MOB3B: variants seen among roughly 807,000 people sequenced by gnomAD.
MOB3B encodes the protein MOB kinase activator 3B.
In MOB3B, 7 loss-of-function variants were observed where a neutral mutation model predicts 18.7. The observed-to-expected ratio is 0.37, with a 90% CI of 0.21 to 0.70. The LOEUF (loss-of-function observed/expected upper bound fraction) is 0.70. MOB3B is among the 30% of genes least tolerant of loss of function. The pLI is 0.52. For missense variants in MOB3B, 253 were observed against 281.3 expected (o/e 0.90, Z 0.72); for synonymous variants, 111 against 99.9 (o/e 1.11, Z -0.66).
intron 2 of MOB3B, among the ~76,000 whole-genome samples, chr9:27,404,982 T>G (rs1563860464): frequency 6.6e-6 from 1 of 152,188 alleles, no homozygotes; most frequent in East Asian, 1.9e-4. Flanking sequence ...GATATCTCAT[T>G]GCAGTTTTAG....
In MOB3B at chr9:27,517,647, CAAAAAAAAAAAA is replaced by C. The variant is rs756559270; in HGVS notation, c.-199+11896_-199+11907del. Among the ~76,000 whole-genome samples, 37 of 54,282 alleles carry C rather than the reference CAAAAAAAAAAAA, an allele frequency of 6.8e-4. 1 individual carries two copies. The highest frequency in any genetic ancestry group is 2.6e-3 in the African/African-American group (32 of 12,246). The allele number at this position is 54,282 out of a possible 152,430, so 35.6% of individuals were successfully genotyped here. ...TGGCCGACAGAGCGAGACTCTGTCT[CAAAAAAAAAAAA>C]AAAAAAAAAAAAAGAGGTAGAATTA... On this transcript the variant is annotated intron_variant, in intron 1 of 3. Transcript: ENST00000262244.
intron 2 of MOB3B, among the ~76,000 whole-genome samples, chr9:27,367,747 C>G (rs1188360264): frequency 6.6e-6 from 1 of 152,162 alleles, no homozygotes; most frequent in African/African-American, 2.4e-5. Flanking sequence ...TGAAACAGGA[C>G]AGGTGAAGCT....
At chr9:27,343,282 T>C (rs550799475) in intron 3 of MOB3B, among the ~76,000 whole-genome samples, 3 of 151,546 alleles carry the variant, frequency 2.0e-5, no homozygotes, top group South Asian at 2.1e-4. Context: ...AGCAGCATGC[T>C]CCTTAAGAGT....
intron 1 of MOB3B, among the ~76,000 whole-genome samples, chr9:27,484,426 A>T (rs1819705010): frequency 6.6e-6 from 1 of 152,226 alleles, no homozygotes; most frequent in African/African-American, 2.4e-5. Context: ...GGGAGTAAGA[A>T]GCCATGGCAA....
intron 3 of MOB3B, among the ~76,000 whole-genome samples, chr9:27,355,057 C>T (rs758373544): frequency 1.6e-4 from 24 of 152,160 alleles, no homozygotes; most frequent in Non-Finnish European, 2.2e-4. Context: ...CAAGTTTGCA[C>T]GTTAGTAAAT....
At chr9:27,342,445 C>G (rs1192075711) in intron 3 of MOB3B, among the ~76,000 whole-genome samples, 2 of 151,836 alleles carry the variant, frequency 1.3e-5, no homozygotes, top group South Asian at 2.1e-4. Context: ...TCCCCCTCCC[C>G]CTCCGTCTCC....
intron 2 of MOB3B, chr9:27,378,875 G>C: frequency 2.7e-6 from 1 of 375,870 alleles, no homozygotes; most frequent in South Asian, 2.1e-5. Flanking sequence ...ACTTATCCAG[G>C]GCCACAAAGC....
intron 2 of MOB3B, among the ~76,000 whole-genome samples, chr9:27,368,210 C>T (rs1821365057): frequency 6.6e-6 from 1 of 152,178 alleles, no homozygotes; most frequent in South Asian, 2.1e-4. Context: ...AAACAAAACA[C>T]ATGAACAACA....
intron 2 of MOB3B, among the ~76,000 whole-genome samples, chr9:27,368,751 T>G (rs1440042235): frequency 6.6e-6 from 1 of 152,140 alleles, no homozygotes; most frequent in African/African-American, 2.4e-5. Flanking sequence ...GATTATATGT[T>G]CTCAAGAGAG....
At chr9:27,430,064 G>A (rs545183393) in intron 2 of MOB3B, among the ~76,000 whole-genome samples, 1 of 152,302 alleles carries the variant, frequency 6.6e-6, no homozygotes, top group African/African-American at 2.4e-5. Context: ...GGGCTTCCCA[G>A]AGCTGTTGCT....
intron 1 of MOB3B, among the ~76,000 whole-genome samples, chr9:27,471,990 T>C (rs1032631130): frequency 3.3e-5 from 5 of 152,138 alleles, no homozygotes; most frequent in African/African-American, 1.2e-4. Context: ...ATACCAAATA[T>C]CTTAATCCTG....
At chr9:27,439,764 A>C (rs2131431664) in intron 2 of MOB3B, among the ~76,000 whole-genome samples, 1 of 151,998 alleles carries the variant, frequency 6.6e-6, no homozygotes, top group Non-Finnish European at 1.5e-5. Context: ...TGTGCCCAGA[A>C]TACTCCTATC....
chr9:27,428,959 A>T (rs1212196201), intron 2 of MOB3B, among the ~76,000 whole-genome samples: 1 of 152,248 alleles, frequency 6.6e-6, no homozygotes, highest in Non-Finnish European at 1.5e-5. Context: ...GACTATACTC[A>T]GATATGTTAA....
chr9:27,482,587 G>C (rs1179050640), intron 1 of MOB3B, among the ~76,000 whole-genome samples: 1 of 152,174 alleles, frequency 6.6e-6, no homozygotes, highest in Admixed American at 6.5e-5. Flanking sequence ...TGGCTTCCAA[G>C]GCTTTTCAGA....
chr9:27,430,459 AG>A (rs747673722), intron 2 of MOB3B, among the ~76,000 whole-genome samples: 1 of 152,132 alleles, frequency 6.6e-6, no homozygotes, highest in Non-Finnish European at 1.5e-5. Context: ...CCAGGCGGGG[AG>A]GGTAGGAGTG....
intron 1 of MOB3B, among the ~76,000 whole-genome samples, chr9:27,485,728 T>C (rs1484709910): frequency 1.3e-5 from 2 of 152,242 alleles, no homozygotes; most frequent in Admixed American, 1.3e-4. Flanking sequence ...GATATCAATT[T>C]TTCCCCCTTG....
At chr9:27,378,675 C>T (rs567636750) in intron 2 of MOB3B, 2 of 471,164 alleles carry the variant, frequency 4.2e-6, no homozygotes, top group South Asian at 3.1e-5. Flanking sequence ...TGACCCAGAA[C>T]CACACCTGGG....
rs1235446223 is a variant in MOB3B at position 27,325,941 on chromosome 9, C to A, written c.*4646G>T. On this transcript the variant is annotated 3_prime_UTR_variant, in exon 4 of 4. Transcript: ENST00000262244. ...ACAAAAAGATAAGTGTAATTCTATT[C>A]AAGTCCCTTAATGTTTTGCCAATTA... 1 of 147,918 alleles carries A rather than the reference C, an allele frequency of 6.8e-6. No homozygotes were observed. The highest frequency in any genetic ancestry group is 2.5e-5 in the African/African-American group (1 of 40,392). The allele number at this position is 147,918 out of a possible 1,614,324, so 9.2% of individuals were successfully genotyped here.
Position 27,330,512 on chromosome 9 carries a change from G to A in MOB3B, c.*75C>T. 1 of 1,603,896 alleles carries A rather than the reference G, an allele frequency of 6.2e-7. No individual in the cohort carries two copies. The highest frequency in any genetic ancestry group is 8.5e-7 in the Non-Finnish European group (1 of 1,174,324). On this transcript the variant is annotated 3_prime_UTR_variant, in exon 4 of 4. Transcript: ENST00000262244. ...GGAGTAGGTGTGTCATTTCAGCCAG[G>A]GTGGTCCACCTCCTGCCCGCTCAGG...
Sources: gnomAD v4.1 joint callset for allele counts (sites outside exome capture counted in the v4.1 genomes callset) on GRCh38, gnomAD v4.1.1 for gene constraint, MANE v1.5 for transcripts, NCBI Gene and HGNC (gene_info 2026-07-23, HGNC 2026-07-21) for gene names.